Variants in CENPQ observed in about 807,000 individuals in gnomAD.
CENPQ encodes centromere protein Q, also known as chromosome 6 open reading frame 139.
Under a neutral mutation model 36.6 loss-of-function variants are expected in CENPQ, and 27 were observed. That is an observed-to-expected ratio of 0.74 (90% CI 0.54 to 1.02). The LOEUF (loss-of-function observed/expected upper bound fraction) is 1.02. Ranked by LOEUF, CENPQ falls within the 50% of genes least tolerant of loss-of-function variation. CENPQ has a pLI of 0.00. For missense variants in CENPQ, 306 were observed against 301.8 expected, an observed-to-expected ratio of 1.01 and a Z score of -0.10; for synonymous variants, 101 against 101.7, an observed-to-expected ratio of 0.99 and a Z score of 0.04.
At chr6:49,465,970 C>T (rs2127422597) in intron 1 of CENPQ, among the ~76,000 whole-genome samples, 1 of 152,294 alleles carries the variant, frequency 6.6e-6, no homozygotes, top group South Asian at 2.1e-4. Context: ...TTTGACATGC[C>T]TACCTCACCT....
chr6:49,481,207 A>G, intron 6 of CENPQ, 127 bp downstream of exon 6: 1 of 820,826 alleles, frequency 1.2e-6, no homozygotes, highest in Admixed American at 3.5e-5. Context: ...TTTTTTCATT[A>G]AATTGTTTTT....
Position 49,480,978 on chromosome 6 carries a change from A to G in CENPQ, c.375A>G (p.Lys125=), listed in dbSNP as rs769241119. 7 of 1,606,236 alleles carry G rather than the reference A, an allele frequency of 4.4e-6. No individual in the cohort carries two copies. Among genetic ancestry groups the G allele is most frequent in the East Asian group, 2.2e-5 (1 of 44,730 alleles). ...KRLLQQCETL[K]VPPKKMEDLT... ...TGCTACAACAGTGTGAAACTCTGAA[A>G]GTCCCTCCCAAAAAGATGGAAGATT... Residue 125 remains lysine, a synonymous_variant, in exon 6 of 9, where the codon AAA becomes AAG. Coordinates refer to ENST00000335783, the MANE Select transcript of CENPQ (RefSeq NM_018132.4).
At position 49,477,852 on chromosome 6, in the gene CENPQ, A is replaced by G. The variant is rs1768338930; in HGVS notation, c.348-3099A>G. 2.6e-5 allele frequency among the ~76,000 whole-genome samples: 4 copies of G among 152,222 alleles called. No homozygotes were observed. In the South Asian group the frequency reaches 8.3e-4, roughly 32 times the overall value. ...AAAGAAGGAAGAAGATATTAAAAAG[A>G]TAATAAGCTAATACAAGTATAATGA... On this transcript the variant is annotated intron_variant, in intron 5 of 8. Transcript: ENST00000335783.
At chr6:49,488,569 A>G in intron 7 of CENPQ, 38 bp from the exon 8 acceptor site, 1 of 1,598,226 alleles carries the variant, frequency 6.3e-7, no homozygotes, top group South Asian at 1.1e-5. Context: ...GAGAGAAATC[A>G]GCTTTTTGAA....
chr6:49,472,099 C>T lies in CENPQ; in HGVS notation c.194C>T (p.Thr65Ile), dbSNP rs2127424216. 6.2e-7 allele frequency: 1 copy of T among 1,612,578 alleles called. No homozygotes were observed. Among genetic ancestry groups the T allele is most frequent in the African/African-American group, 1.3e-5 (1 of 74,956 alleles). The change falls in exon 4 of 9, where the codon ACA (threonine) becomes ATA (isoleucine). Residue 65 changes from threonine to isoleucine, a missense_variant. Coordinates refer to ENST00000335783, the MANE Select transcript of CENPQ (RefSeq NM_018132.4). ...TKHTNLKHGK[T>I]AASKRKTWQP... Reference sequence around the variant, plus strand: ...CACACTAACCTAAAACACGGAAAGACAGCAGCCAGCAAGAGAAAAACCTGG... The same window carrying T: ...CACACTAACCTAAAACACGGAAAGATAGCAGCCAGCAAGAGAAAAACCTGG...
chr6:49,473,938 T>C (rs1009003039), intron 5 of CENPQ, among the ~76,000 whole-genome samples: 8 of 151,980 alleles, frequency 5.3e-5, no homozygotes, highest in Non-Finnish European at 1.5e-5. Context: ...TTAATAATAG[T>C]AAAGGGATCA....
chr6:49,470,430 C>T (rs551884564), intron 2 of CENPQ, 152 bp downstream of exon 2: 9 of 433,718 alleles, frequency 2.1e-5, no homozygotes, highest in Admixed American at 1.3e-4. Flanking sequence ...GATGAAACCC[C>T]GTCTCTACTT....
At chr6:49,476,317 A>G (rs1282174308) in intron 5 of CENPQ, among the ~76,000 whole-genome samples, 1 of 152,210 alleles carries the variant, frequency 6.6e-6, no homozygotes, top group Admixed American at 6.5e-5. Context: ...AAAACAAGCA[A>G]TGGGGAAAGG....
intron 1 of CENPQ, among the ~76,000 whole-genome samples, chr6:49,467,279 T>C (rs1768025985): frequency 6.6e-6 from 1 of 152,208 alleles, no homozygotes. Context: ...AAATCAATTA[T>C]TAGTCAAACT....
In CENPQ at chr6:49,488,662, C is replaced by T; in HGVS notation, c.653C>T (p.Thr218Ile). Reference protein sequence around the residue: ...VLSLPELSQKTLKAPTLQKEI... With the variant: ...VLSLPELSQKILKAPTLQKEI... ...TCTCTTCCGGAACTTTCTCAGAAAA[C>T]TCTCAAAGCACCCACACTTCAGGTA... is the stretch of plus-strand genomic sequence containing the variant. The change falls in exon 8 of 9, where the codon ACT (threonine) becomes ATT (isoleucine). Residue 218 changes from threonine (T) to isoleucine (I), a missense_variant. Coordinates refer to ENST00000335783, the MANE Select transcript of CENPQ (RefSeq NM_018132.4). 1.2e-6 allele frequency: 2 copies of T among 1,613,104 alleles called. No individual in the cohort carries two copies. Among genetic ancestry groups the T allele is most frequent in the South Asian group, 1.1e-5 (1 of 91,062 alleles).
chr6:49,472,153 A>C lies in CENPQ; in HGVS notation c.248A>C (p.His83Pro). Residue 83 changes from histidine to proline, a missense_variant, in exon 4 of 9, where the codon CAT (histidine) becomes CCT (proline). Coordinates refer to ENST00000335783, the MANE Select transcript of CENPQ (RefSeq NM_018132.4). ...CCTCTGTCAAAGAGTACCAGAGACCATTTGCAAACTATGATGGAATCAGTA... is the reference window on the plus strand; with the variant it reads ...CCTCTGTCAAAGAGTACCAGAGACCCTTTGCAAACTATGATGGAATCAGTA... ...WQPLSKSTRD[H>P]LQTMMESVIM... 3 of 1,611,536 alleles carry C rather than the reference A, an allele frequency of 1.9e-6. No homozygotes were observed. The highest frequency in any genetic ancestry group is 2.5e-6 in the Non-Finnish European group (3 of 1,178,764).
chr6:49,485,152 C>T (rs1293939423), intron 6 of CENPQ, among the ~76,000 whole-genome samples: 1 of 152,194 alleles, frequency 6.6e-6, no homozygotes, highest in Non-Finnish European at 1.5e-5. Context: ...CTTGTAAACT[C>T]TATCTGTATT....
chr6:49,471,506 A>G lies in CENPQ; in HGVS notation c.157+478A>G, dbSNP rs553357113. 2.9e-3 allele frequency among the ~76,000 whole-genome samples: 447 copies of G among 152,256 alleles called. 3 individuals are homozygous for G. Among genetic ancestry groups the G allele is most frequent in the African/African-American group, 0.01 (433 of 41,544 alleles). ...ACACTAGGTTAGGTCCTCTGGTTTT[A>G]TACTGCCATAGTGTACAATACTTTT... On this transcript the variant is annotated intron_variant, in intron 3 of 8. Transcript: ENST00000335783.
chr6:49,477,829 AGAAG>A (rs1768338203), intron 5 of CENPQ, among the ~76,000 whole-genome samples: 2 of 152,198 alleles, frequency 1.3e-5, no homozygotes, highest in African/African-American at 4.8e-5. Flanking sequence ...CTATTATTAA[AGAAG>A]GAAGAAGATA....
Position 49,470,197 on chromosome 6 carries a change from T to A in CENPQ, c.21T>A (p.Ala7=), listed in dbSNP as rs1403274193. The A allele has an allele frequency of 4.4e-6, 7 of 1,608,308 alleles. No homozygotes were observed. Among genetic ancestry groups the A allele is most frequent in the Non-Finnish European group, 5.9e-6 (7 of 1,176,608 alleles). Residue 7 remains alanine (A), a synonymous_variant, in exon 2 of 9, where the codon GCT becomes GCA. Coordinates refer to ENST00000335783, the MANE Select transcript of CENPQ (RefSeq NM_018132.4). ...TCAAGATGTCTGGTAAAGCAAATGC[T>A]TCCAAGAAAAACGCTCAACAGTTAA... MSGKAN[A]SKKNAQQLKR...
intron 5 of CENPQ, among the ~76,000 whole-genome samples, chr6:49,479,611 G>A (rs551237748): frequency 6.6e-6 from 1 of 152,084 alleles, no homozygotes; most frequent in Non-Finnish European, 1.5e-5. Context: ...ATCCAACCCA[G>A]CAATCCCATT....
chr6:49,477,625 G>T (rs1411464355), intron 5 of CENPQ, among the ~76,000 whole-genome samples: 1 of 150,914 alleles, frequency 6.6e-6, no homozygotes, highest in Non-Finnish European at 1.5e-5. Context: ...AGAAATATTT[G>T]TGACCTATTT....
At chr6:49,464,856 A>T (rs543018245) in intron 1 of CENPQ, among the ~76,000 whole-genome samples, 5 of 152,206 alleles carry the variant, frequency 3.3e-5, no homozygotes, top group Non-Finnish European at 7.3e-5. Context: ...TTACAAAGTC[A>T]TCCATGAGGG....
chr6:49,481,008 T>A lies in CENPQ; in HGVS notation c.405T>A (p.Thr135=), dbSNP rs1450299576. 6.2e-7 allele frequency: 1 copy of A among 1,610,138 alleles called. No individual in the cohort carries two copies. The highest frequency in any genetic ancestry group is 1.7e-5 in the Admixed American group (1 of 59,766). Residue 135 remains threonine (T), a synonymous_variant, in exon 6 of 9, where the codon ACT becomes ACA. Coordinates refer to ENST00000335783, the MANE Select transcript of CENPQ (RefSeq NM_018132.4). ...KVPPKKMEDL[T]NVSSLLNMER... The stretch of plus-strand genomic sequence containing the variant: ...CTCCCAAAAAGATGGAAGATTTAAC[T>A]AATGTATCAAGTCTACTGAATATGG...
Sources: allele counts gnomAD v4.1 joint callset (sites outside exome capture counted in the v4.1 genomes callset), GRCh38; gene constraint gnomAD v4.1.1; transcripts MANE v1.5; gene names NCBI Gene and HGNC (gene_info 2026-07-23, HGNC 2026-07-21).